The following PDE4D variants were observed in gnomAD, a reference collection of about 807,000 sequenced individuals.
PDE4D encodes the protein 3',5'-cyclic-AMP phosphodiesterase 4D.
A neutral mutation model predicts 87.4 loss-of-function variants in PDE4D; 24 were observed. The observed-to-expected ratio is 0.27, with a 90% CI of 0.20 to 0.39. The LOEUF (loss-of-function observed/expected upper bound fraction) is 0.39. Ranked by LOEUF, PDE4D falls within the 10% of genes least tolerant of loss-of-function variation. The pLI is 1.00. For synonymous variants in PDE4D, 384 were observed against 383.2 expected, an observed-to-expected ratio of 1.00 and a Z score of -0.02; for missense variants, 714 against 1,041.0, an observed-to-expected ratio of 0.69 and a Z score of 4.32.
At chr5:59,993,396 A>AG (rs1763206535) in intron 2 of PDE4D, among the ~76,000 whole-genome samples, 1 of 152,178 alleles carries the variant, frequency 6.6e-6, no homozygotes, top group South Asian at 2.1e-4. Flanking sequence ...GCTGTACTGA[A>AG]GGATTGGCTT....
At chr5:60,093,350 G>C (rs1775339079) in intron 2 of PDE4D, among the ~76,000 whole-genome samples, 1 of 152,124 alleles carries the variant, frequency 6.6e-6, no homozygotes. Context: ...ATATTCAGGA[G>C]GTGACCAAAG....
chr5:59,735,422 G>T (rs1186986266), intron 1 of PDE4D, among the ~76,000 whole-genome samples: 2 of 152,156 alleles, frequency 1.3e-5, no homozygotes, highest in Non-Finnish European at 2.9e-5. Flanking sequence ...CAAATTCTAA[G>T]ATGTGACACT....
intron 1 of PDE4D, among the ~76,000 whole-genome samples, chr5:59,621,614 TCTC>T (rs1170700140): frequency 6.6e-6 from 1 of 152,192 alleles, no homozygotes; most frequent in Non-Finnish European, 1.5e-5. Context: ...TCCTCCCTGT[TCTC>T]CTTCCTGCAG....
chr5:59,370,674 C>CA (rs1330638453), intron 1 of PDE4D, among the ~76,000 whole-genome samples: 3 of 152,050 alleles, frequency 2.0e-5, no homozygotes, highest in Non-Finnish European at 2.9e-5. Flanking sequence ...ATCCTCCCCA[C>CA]AAAAAATTAA....
rs561467190 is a variant in PDE4D at position 60,182,505 on chromosome 5, G to A, written c.42+3052C>T. Among the ~76,000 whole-genome samples the A allele has an allele frequency of 7.2e-5, 11 of 152,280 alleles. No homozygotes were observed. The South Asian group carries it at 2.1e-3, about 29-fold the overall frequency. On this transcript the variant is annotated intron_variant, in intron 2 of 16. Coordinates refer to the PDE4D transcript ENST00000502484. ...AAATTAGCCAGGTGTGATGGCGCAT[G>A]CCTCTAATCCCAGCTACTCAGGAGG...
intron 1 of PDE4D, among the ~76,000 whole-genome samples, chr5:59,604,833 A>G (rs1171855524): frequency 6.6e-6 from 1 of 152,106 alleles, no homozygotes; most frequent in Non-Finnish European, 1.5e-5. Flanking sequence ...TAGGAGAGAC[A>G]TTTTGGAGTA....
chr5:59,513,901 G>A (rs562702629), intron 1 of PDE4D, among the ~76,000 whole-genome samples: 4 of 152,168 alleles, frequency 2.6e-5, no homozygotes, highest in South Asian at 2.1e-4. Flanking sequence ...CAGGTATAAA[G>A]GAAAACTTAG....
At chr5:59,403,554 G>A (rs912068434) in intron 1 of PDE4D, among the ~76,000 whole-genome samples, 10 of 152,092 alleles carry the variant, frequency 6.6e-5, no homozygotes, top group Admixed American at 3.3e-4. Context: ...GTGAGAATAC[G>A]TGAAGATGAT....
chr5:59,518,191 GTT>G (rs1323029481), intron 1 of PDE4D, among the ~76,000 whole-genome samples: 8 of 106,870 alleles, frequency 7.5e-5, no homozygotes, highest in South Asian at 2.5e-4. Context: ...GTACTTGTGT[GTT>G]TGTGTGTGTG....
At chr5:60,288,372 AT>A (rs1364356576) in intron 1 of PDE4D, among the ~76,000 whole-genome samples, 1 of 152,206 alleles carries the variant, frequency 6.6e-6, no homozygotes, top group Non-Finnish European at 1.5e-5. Context: ...TAAACCTCTA[AT>A]TTAGGTTTCT....
chr5:60,511,631 C>A (rs1750577607), intron 1 of PDE4D, among the ~76,000 whole-genome samples: 1 of 151,622 alleles, frequency 6.6e-6, no homozygotes, highest in African/African-American at 2.4e-5. Context: ...AAATTATGGA[C>A]CCTGTGTTAC....
At chr5:59,039,162 G>A in intron 5 of PDE4D, 191 bp from the exon 6 acceptor site, 7 of 1,355,398 alleles carry the variant, frequency 5.2e-6, no homozygotes, top group Non-Finnish European at 5.7e-6. Context: ...GGGGCGGCCG[G>A]CCTCGGGGAG....
At chr5:60,171,649 C>T (rs1783437842) in intron 2 of PDE4D, among the ~76,000 whole-genome samples, 1 of 152,092 alleles carries the variant, frequency 6.6e-6, no homozygotes, top group Non-Finnish European at 1.5e-5. Context: ...GAATGACCAT[C>T]CTCTAATCAG....
At chr5:59,088,792 G>A (rs1768177523) in intron 5 of PDE4D, among the ~76,000 whole-genome samples, 1 of 152,172 alleles carries the variant, frequency 6.6e-6, no homozygotes, top group Non-Finnish European at 1.5e-5. Flanking sequence ...ATCAGAGGGT[G>A]GAGGGTGGGA....
intron 5 of PDE4D, among the ~76,000 whole-genome samples, chr5:59,144,899 G>GC (rs1378602863): frequency 6.1e-5 from 8 of 130,642 alleles, no homozygotes; most frequent in Admixed American, 2.4e-4. Flanking sequence ...ATGGGGGGGG[G>GC]GGGGGGAACC....
At chr5:60,202,051 C>T (rs550160983) in intron 1 of PDE4D, among the ~76,000 whole-genome samples, 13 of 152,266 alleles carry the variant, frequency 8.5e-5, no homozygotes, top group African/African-American at 2.9e-4. Flanking sequence ...TGGAAATACT[C>T]AAAGAAAATA....
intron 1 of PDE4D, among the ~76,000 whole-genome samples, chr5:59,343,892 C>T (rs139495038): frequency 4.3e-4 from 66 of 152,140 alleles, no homozygotes; most frequent in Non-Finnish European, 7.6e-4. Flanking sequence ...CTAGTTCAGC[C>T]GGCTGCTGCC....
At chr5:60,337,716 C>T (rs963894669) in intron 1 of PDE4D, among the ~76,000 whole-genome samples, 1 of 151,964 alleles carries the variant, frequency 6.6e-6, no homozygotes, top group African/African-American at 2.4e-5. Context: ...TTAGTATCAC[C>T]AGAGTAAATG....
At chr5:59,599,222 G>GT (rs1554039098) in intron 1 of PDE4D, among the ~76,000 whole-genome samples, 2 of 132,672 alleles carry the variant, frequency 1.5e-5, no homozygotes, top group Non-Finnish European at 3.1e-5. Context: ...GCAAAATGCT[G>GT]TTTTTTGCTT....
Sources: allele counts gnomAD v4.1 joint callset (sites outside exome capture counted in the v4.1 genomes callset), GRCh38; gene constraint gnomAD v4.1.1; transcripts MANE v1.5; gene names NCBI Gene and HGNC (gene_info 2026-07-23, HGNC 2026-07-21).